The following EPB42 variants were observed in gnomAD, a reference collection of about 807,000 sequenced individuals.
The protein encoded by EPB42 is protein 4.2.
EPB42 carries 49 observed loss-of-function variants against 76.9 expected under a neutral mutation model. The ratio of observed to expected loss-of-function variants is 0.64; its 90% CI spans 0.51 to 0.81. The LOEUF (loss-of-function observed/expected upper bound fraction) is 0.81. Ranked by LOEUF, EPB42 falls within the 30% of genes least tolerant of loss-of-function variation. The probability of loss-of-function intolerance (pLI) is 0.00; values close to 1 mark genes in which losing one functional copy is unlikely to be tolerated. For synonymous variants in EPB42, 310 were observed against 338.4 expected (o/e 0.92, Z 0.92); for missense variants, 731 against 867.6 (o/e 0.84, Z 1.98).
chr15:43,221,579 T>C (rs1326015334), upstream of EPB42, among the ~76,000 whole-genome samples: 2 of 151,992 alleles, frequency 1.3e-5, no homozygotes. Flanking sequence ...AAGAGAAGGA[T>C]CTCATATTTG....
chr15:43,212,961 T>C (rs1039890963), intron 3 of EPB42, among the ~76,000 whole-genome samples: 1 of 152,026 alleles, frequency 6.6e-6, no homozygotes, highest in South Asian at 2.1e-4. Flanking sequence ...CAGGGATCCA[T>C]CTGGGGATGA....
At chr15:43,221,914 AG>A (rs1329605123), upstream of EPB42, among the ~76,000 whole-genome samples, 1 of 151,878 alleles carries the variant, frequency 6.6e-6, no homozygotes, top group Non-Finnish European at 1.5e-5. Flanking sequence ...AAGCCAAGTC[AG>A]GCGGATCACC....
At chr15:43,224,627 G>A (rs2042491510), upstream of EPB42, among the ~76,000 whole-genome samples, 1 of 152,088 alleles carries the variant, frequency 6.6e-6, no homozygotes, top group South Asian at 2.1e-4. Flanking sequence ...ATTTATAATA[G>A]CCAAATACTA....
chr15:43,205,440 C>A (rs1323891831), intron 10 of EPB42, among the ~76,000 whole-genome samples: 1 of 152,144 alleles, frequency 6.6e-6, no homozygotes, highest in African/African-American at 2.4e-5. Flanking sequence ...CACTGTGTCA[C>A]CCAGGCTGGA....
upstream of EPB42, among the ~76,000 whole-genome samples, chr15:43,225,635 T>TC (rs553999510): frequency 8.5e-5 from 13 of 152,226 alleles, no homozygotes; most frequent in Non-Finnish European, 1.6e-4. Context: ...AAGGAGCTTC[T>TC]ATTCCAGCAG....
At chr15:43,204,652 T>C (rs1318057054) in intron 10 of EPB42, among the ~76,000 whole-genome samples, 9 of 152,098 alleles carry the variant, frequency 5.9e-5, no homozygotes, top group Admixed American at 5.2e-4. Context: ...ATATACACAT[T>C]CACACATTCA....
At position 43,215,263 on chromosome 15, in the gene EPB42, T is replaced by G; in HGVS notation, c.262A>C (p.Lys88Gln). ...TCCTCCACCACTGCACTCCACCACTTTCGGTCCCCCAGACTGGAAATTGGG... is the reference window on the plus strand; with the variant it reads ...TCCTCCACCACTGCACTCCACCACTGTCGGTCCCCCAGACTGGAAATTGGG... ...TFPISSLGDR[K>Q]WWSAVVEERD... The change falls in exon 3 of 13, where the codon AAG (lysine) becomes CAG (glutamine). Residue 88 changes from lysine (K) to glutamine (Q), a missense_variant. By Grantham distance (53) the Lys-to-Gln change is moderately conservative. Coordinates refer to ENST00000441366, the MANE Select transcript of EPB42 (RefSeq NM_001114134.2). 2 of 1,614,088 alleles carry G rather than the reference T, an allele frequency of 1.2e-6. No homozygotes were observed. The highest frequency in any genetic ancestry group is 1.7e-6 in the Non-Finnish European group (2 of 1,179,994).
chr15:43,214,429 TAGG>T, intron 3 of EPB42, among the ~76,000 whole-genome samples: 1 of 151,730 alleles, frequency 6.6e-6, no homozygotes, highest in East Asian at 1.9e-4. Flanking sequence ...GACCCTTGGG[TAGG>T]GGGGTCTGGA....
chr15:43,208,894 C>T (rs1478063629), intron 6 of EPB42, 119 bp from the exon 7 acceptor site: 2 of 1,233,838 alleles, frequency 1.6e-6, no homozygotes, highest in East Asian at 2.5e-5. Flanking sequence ...AAGAGGAGTG[C>T]AGGAACCTAG....
intron 6 of EPB42, 83 bp from the exon 7 acceptor site, chr15:43,208,858 C>T: frequency 6.8e-7 from 1 of 1,475,444 alleles, no homozygotes; most frequent in Non-Finnish European, 9.2e-7. Flanking sequence ...TTCAGTGTCT[C>T]CTCTGGGCAC....
intron 1 of EPB42, among the ~76,000 whole-genome samples, chr15:43,217,180 A>T (rs2042391547): frequency 6.6e-6 from 1 of 152,108 alleles, no homozygotes; most frequent in South Asian, 2.1e-4. Context: ...AGGTGATTGG[A>T]TCATGGGGGC....
intron 12 of EPB42, among the ~76,000 whole-genome samples, chr15:43,199,114 C>T (rs528649610): frequency 1.3e-5 from 2 of 152,230 alleles, no homozygotes; most frequent in African/African-American, 2.4e-5. Context: ...AGAGCCCCCA[C>T]ACAGAGTCCC....
Position 43,206,398 on chromosome 15 carries a change from T to G in EPB42, c.1550A>C (p.His517Pro), listed in dbSNP as rs899065425. The change falls in exon 10 of 13, where the codon CAC becomes CCC. Residue 517 changes from histidine to proline, a missense_variant. His to Pro is a moderately conservative substitution (Grantham distance 77). Coordinates refer to ENST00000441366, the MANE Select transcript of EPB42 (RefSeq NM_001114134.2). The surrounding 1 kb of genome is among the most constrained non-coding windows in gnomAD (Gnocchi z 4.7). ...VQLAIGVQAV[H>P]YNGVLAAKLW... ...CTTGGCAGCAAGGACACCGTTGTAG[T>G]GTACAGCCTGGACCCCAATTGCCAG... 5 of 1,614,008 alleles carry G rather than the reference T, an allele frequency of 3.1e-6. No individual in the cohort carries two copies. In the African/African-American group the frequency reaches 5.3e-5, roughly 17 times the overall value.
chr15:43,198,686 G>A (rs1346091011), intron 12 of EPB42, among the ~76,000 whole-genome samples: 3 of 152,238 alleles, frequency 2.0e-5, no homozygotes, highest in African/African-American at 7.2e-5. Context: ...TGTTAAACCT[G>A]AAGATCAAGG....
Position 43,215,181 on chromosome 15 carries a change from C to T in EPB42, c.344G>A (p.Gly115Asp). 1 of 1,614,220 alleles carries T rather than the reference C, an allele frequency of 6.2e-7. No homozygotes were observed. Among genetic ancestry groups the T allele is most frequent in the Admixed American group, 1.7e-5 (1 of 60,028 alleles). Residue 115 changes from glycine to aspartate, a missense_variant, in exon 3 of 13, where the codon GGC (glycine) becomes GAC (aspartate). Coordinates refer to ENST00000441366, the MANE Select transcript of EPB42 (RefSeq NM_001114134.2). ...GACCTGCAGCAGAAGCGAGTAGTGG[C>T]CAATGACAGCGTCCGCAGGTGTGGT... ...SVTTPADAVI[G>D]HYSLLLQVSG...
chr15:43,213,716 C>T lies in EPB42; in HGVS notation c.430+1379G>A, dbSNP rs115300986. 8.7e-3 allele frequency among the ~76,000 whole-genome samples: 1,323 copies of T among 152,348 alleles called. 20 individuals carry two copies. The highest frequency in any genetic ancestry group is 0.03 in the African/African-American group (1,253 of 41,578). On this transcript the variant is annotated intron_variant, in intron 3 of 12. Transcript: ENST00000441366. The stretch of plus-strand genomic sequence containing the variant: ...AGTCATGGAAAGTCAAAGGGCCTCC[C>T]CCAGCCCAGGGGCCCTGCATCTACA...
At chr15:43,209,224 A>C (rs1371525916) in intron 6 of EPB42, 50 bp downstream of exon 6, 2 of 1,604,280 alleles carry the variant, frequency 1.2e-6, no homozygotes. Flanking sequence ...ATGGGAGGCC[A>C]GGGAACAACC....
At position 43,206,204 on chromosome 15, in the gene EPB42, G is replaced by T. The variant is rs1250167569; in HGVS notation, c.1618+126C>A. 1 of 960,468 alleles carries T rather than the reference G, an allele frequency of 1.0e-6. No homozygotes were observed. The highest frequency in any genetic ancestry group is 1.5e-6 in the Non-Finnish European group (1 of 663,634). 59.5% of individuals were successfully genotyped at this position (960,468 alleles called of 1,614,324 possible). ...AATGAATGAGAGAGAACATGAGAGT[G>T]AGCAGCAGGGGCTCAAAGCCATCTC... On this transcript the variant is annotated intron_variant, in intron 10 of 12. Coordinates refer to ENST00000441366, the MANE Select transcript of EPB42 (RefSeq NM_001114134.2). This position sits in a 1 kb window ranked among gnomAD's most constrained non-coding sequence, Gnocchi z 4.7.
Position 43,215,215 on chromosome 15 carries a change from T to C in EPB42, c.310A>G (p.Ile104Val). The change falls in exon 3 of 13, where the codon ATC (isoleucine) becomes GTC (valine). Residue 104 changes from isoleucine to valine, a missense_variant. Coordinates refer to ENST00000441366, the MANE Select transcript of EPB42 (RefSeq NM_001114134.2). ...VEERDAQSWT[I>V]SVTTPADAVI... ...GCGTCCGCAGGTGTGGTCACAGAGA[T>C]GGTCCAGGACTGGGCATCTCTCTCC... 1.2e-6 allele frequency: 2 copies of C among 1,614,186 alleles called. No homozygotes were observed. The highest frequency in any genetic ancestry group is 2.2e-5 in the East Asian group (1 of 44,876).
Sources: gnomAD v4.1 joint callset for allele counts (sites outside exome capture counted in the v4.1 genomes callset) on GRCh38, gnomAD v4.1.1 for gene constraint, Gnocchi (gnomAD v3.1) non-coding constraint, MANE v1.5 for transcripts, NCBI Gene and HGNC (gene_info 2026-07-23, HGNC 2026-07-21) for gene names.